Variants in PNPLA1 observed in about 807,000 individuals in gnomAD.
PNPLA1 encodes the protein omega-hydroxyceramide transacylase.
Under a neutral mutation model 51.7 loss-of-function variants are expected in PNPLA1, and 36 were observed. The observed-to-expected ratio is 0.70, with a 90% CI of 0.53 to 0.92. PNPLA1 has a LOEUF of 0.92. PNPLA1 is among the 40% of genes least tolerant of loss of function. The pLI is 0.00. For missense variants in PNPLA1, 658 were observed against 682.5 expected, an observed-to-expected ratio of 0.96 and a Z score of 0.40; for synonymous variants, 293 against 280.1, an observed-to-expected ratio of 1.05 and a Z score of -0.46.
rs193107515 is a variant in PNPLA1, at chr6:36,256,079, C to T, written c.-81+12818C>T. On this transcript the variant is annotated intron_variant, in intron 1 of 7. Coordinates refer to the PNPLA1 transcript ENST00000312917. ...CACTTGTTATATGGTCAAAATAGCCCGGGCCTTTAATATCCTACAGGTGAT... is the reference window on the plus strand; with the variant it reads ...CACTTGTTATATGGTCAAAATAGCCTGGGCCTTTAATATCCTACAGGTGAT... Among the ~76,000 whole-genome samples the T allele has an allele frequency of 1.6e-3, 237 of 152,102 alleles. 1 individual carries two copies. Among genetic ancestry groups the T allele is most frequent in the African/African-American group, 5.4e-3 (223 of 41,488 alleles).
chr6:36,278,927 A>G (rs1233482092), intron 1 of PNPLA1, among the ~76,000 whole-genome samples: 2 of 152,236 alleles, frequency 1.3e-5, no homozygotes, highest in Non-Finnish European at 2.9e-5. Flanking sequence ...AAAGGTCAGC[A>G]TGCGTGCTCA....
chr6:36,245,250 C>T (rs943202786), intron 1 of PNPLA1, among the ~76,000 whole-genome samples: 19 of 152,276 alleles, frequency 1.2e-4, no homozygotes, highest in Non-Finnish European at 1.8e-4. Context: ...CAACTGAAGT[C>T]TCTGTGCCAG....
At chr6:36,278,832 G>T (rs909634971) in intron 1 of PNPLA1, among the ~76,000 whole-genome samples, 2 of 152,212 alleles carry the variant, frequency 1.3e-5, no homozygotes, top group Non-Finnish European at 2.9e-5. Context: ...TGGGGATCTG[G>T]CAGTGAGCAA....
upstream of PNPLA1, among the ~76,000 whole-genome samples, chr6:36,269,202 A>T (rs1769835219): frequency 6.6e-6 from 1 of 152,150 alleles, no homozygotes; most frequent in South Asian, 2.1e-4. Context: ...CACTTGGTGG[A>T]GGCCTTGGTG....
At chr6:36,264,868 A>G (rs939905480) in intron 1 of PNPLA1, among the ~76,000 whole-genome samples, 1 of 152,240 alleles carries the variant, frequency 6.6e-6, no homozygotes, top group Non-Finnish European at 1.5e-5. Context: ...AACTGTGCCC[A>G]TCTCAGCTGT....
intron 6 of PNPLA1, among the ~76,000 whole-genome samples, chr6:36,303,347 C>CAG (rs1649931533): frequency 6.6e-6 from 1 of 152,172 alleles, no homozygotes; most frequent in Non-Finnish European, 1.5e-5. Context: ...CCCGCCTTGG[C>CAG]CTCCCAAAGT....
upstream of PNPLA1, among the ~76,000 whole-genome samples, chr6:36,267,626 A>G (rs1769789992): frequency 2.6e-5 from 4 of 152,142 alleles, no homozygotes; most frequent in Admixed American, 2.6e-4. Context: ...CATGTACAGC[A>G]GGTGGCCTTG....
At chr6:36,275,374 C>T (rs1770059245) in intron 1 of PNPLA1, among the ~76,000 whole-genome samples, 1 of 152,176 alleles carries the variant, frequency 6.6e-6, no homozygotes, top group Admixed American at 6.5e-5. Context: ...AACCAGTGCG[C>T]CTGGCCATCC....
intron 1 of PNPLA1, among the ~76,000 whole-genome samples, chr6:36,264,614 A>G (rs1320845457): frequency 1.3e-5 from 2 of 152,192 alleles, no homozygotes; most frequent in Admixed American, 6.5e-5. Context: ...AAACAGTTTG[A>G]GGAGGTTTCA....
At chr6:36,260,457 T>A (rs940360506) in intron 1 of PNPLA1, among the ~76,000 whole-genome samples, 11 of 152,236 alleles carry the variant, frequency 7.2e-5, no homozygotes, top group African/African-American at 2.7e-4. Flanking sequence ...GAAAGTGTTT[T>A]AAATTATTTA....
At chr6:36,289,892 C>A (rs1442794419) in intron 1 of PNPLA1, among the ~76,000 whole-genome samples, 1 of 152,160 alleles carries the variant, frequency 6.6e-6, no homozygotes, top group Non-Finnish European at 1.5e-5. Context: ...TGGCTTGTCC[C>A]CAGATTGCCA....
Position 36,270,575 on chromosome 6 carries a change from C to T in PNPLA1, c.116C>T (p.Ala39Val). Residue 39 changes from alanine (A) to valine (V), a missense_variant, in exon 1 of 9, where the codon GCC becomes GTC. Physicochemically the swap from Ala to Val is moderately conservative, Grantham distance 64. Coordinates refer to ENST00000636260, the MANE Select transcript of PNPLA1 (RefSeq NM_001374623.1). ...AGAVDALRDL[A>V]PRMLETAHRF... ...GCTGTGGACGCCCTGCGGGACCTGG[C>T]CCCCCGGATGCTGGAAACAGCCCAC... 5 of 1,551,604 alleles carry T rather than the reference C, an allele frequency of 3.2e-6. No homozygotes were observed. The highest frequency in any genetic ancestry group is 4.4e-6 in the Non-Finnish European group (5 of 1,146,988).
chr6:36,269,544 C>T (rs550109345), upstream of PNPLA1, among the ~76,000 whole-genome samples: 85 of 152,180 alleles, frequency 5.6e-4, 1 homozygote, highest in Non-Finnish European at 1.3e-4. Flanking sequence ...ACACGCAACA[C>T]GAAGCCTCAC....
At chr6:36,282,068 A>AGAAAGAAG (rs1770306408) in intron 1 of PNPLA1, among the ~76,000 whole-genome samples, 1 of 124,892 alleles carries the variant, frequency 8.0e-6, no homozygotes, top group East Asian at 2.3e-4. Context: ...AAAGAAAGAA[A>AGAAAGAAG]GAAAGAAAGA....
At chr6:36,251,913 T>C (rs934283858) in intron 1 of PNPLA1, among the ~76,000 whole-genome samples, 16 of 152,028 alleles carry the variant, frequency 1.1e-4, no homozygotes, top group Non-Finnish European at 2.4e-4. Context: ...CCACTGTACT[T>C]CAGCCTGGAT....
chr6:36,296,643 A>C (rs1770865641), intron 5 of PNPLA1, among the ~76,000 whole-genome samples: 1 of 152,096 alleles, frequency 6.6e-6, no homozygotes, highest in African/African-American at 2.4e-5. Context: ...CTGCTTCCCA[A>C]GCTCCCCTTA....
At chr6:36,278,319 T>C (rs1420952491) in intron 1 of PNPLA1, among the ~76,000 whole-genome samples, 2 of 152,234 alleles carry the variant, frequency 1.3e-5, no homozygotes, top group African/African-American at 2.4e-5. Flanking sequence ...TATTGGCCAG[T>C]GTGATACTGA....
At chr6:36,271,846 C>A (rs1044184856) in intron 1 of PNPLA1, among the ~76,000 whole-genome samples, 1 of 152,212 alleles carries the variant, frequency 6.6e-6, no homozygotes, top group Non-Finnish European at 1.5e-5. Context: ...GGGGAGGGGG[C>A]AGAGGGCGTG....
In PNPLA1 at chr6:36,306,293, TG is replaced by T. The variant is rs1302572020; in HGVS notation, c.1387del (p.Val463Ter). The T allele has an allele frequency of 6.2e-7, 1 of 1,609,984 alleles. No individual in the cohort carries two copies. Among genetic ancestry groups the T allele is most frequent in the Non-Finnish European group, 8.5e-7 (1 of 1,178,536 alleles). ...EELGQEQPQAVALLVSSKPKS... is the reference protein window; with the variant it reads ...EELGQEQPQAXALLVSSKPKS... ...CGTTTCCTATATCTTTACTTTTAGC[TG>T]TAGCTCTTCTTGTCTCTTCAAAACC... On this transcript the variant is annotated frameshift_variant and splice_region_variant, in exon 7 of 9. Coordinates refer to ENST00000636260, the MANE Select transcript of PNPLA1 (RefSeq NM_001374623.1). LOFTEE classifies it high-confidence loss of function.
Sources: gnomAD v4.1 joint callset for allele counts (sites outside exome capture counted in the v4.1 genomes callset) on GRCh38, gnomAD v4.1.1 for gene constraint, MANE v1.5 for transcripts, NCBI Gene and HGNC (gene_info 2026-07-23, HGNC 2026-07-21) for gene names.